POU6F2: variants seen among roughly 807,000 people sequenced by gnomAD.
The protein encoded by POU6F2 is POU class 6 homeobox 2.
In POU6F2, 31 loss-of-function variants were observed where a neutral mutation model predicts 71.3. The observed-to-expected ratio is 0.43, with a 90% CI of 0.33 to 0.59. The LOEUF is 0.59. Among genes scored for constraint, POU6F2 ranks in the 20% least tolerant of loss-of-function variants. The pLI, the probability that POU6F2 is intolerant of heterozygous loss-of-function variation, is 0.04. For missense variants in POU6F2, 783 were observed against 856.8 expected (o/e 0.91, Z 1.07); for synonymous variants, 347 against 355.7 (o/e 0.98, Z 0.27).
intron 4 of POU6F2, among the ~76,000 whole-genome samples, chr7:39,336,180 A>G (rs576233713): frequency 6.6e-6 from 1 of 152,358 alleles, no homozygotes; most frequent in East Asian, 1.9e-4. Flanking sequence ...TATTTTAACT[A>G]TTAACTAAAT....
At chr7:39,151,690 A>G (rs754492840) in intron 2 of POU6F2, among the ~76,000 whole-genome samples, 24 of 152,160 alleles carry the variant, frequency 1.6e-4, no homozygotes, top group Non-Finnish European at 2.4e-4. Flanking sequence ...TGGCTTCTGA[A>G]ATGATTAGAT....
chr7:39,340,033 C>T lies in POU6F2; in HGVS notation c.972+18C>T. 6.3e-7 allele frequency: 1 copy of T among 1,583,118 alleles called. No homozygotes were observed. Among genetic ancestry groups the T allele is most frequent in the South Asian group, 1.2e-5 (1 of 86,860 alleles). On this transcript the variant is annotated intron_variant, in intron 5 of 9. Transcript: ENST00000518318. ...CTCTACAGGTATGCTCCCCGTGCTT[C>T]CCGTCTGCCCCTAGGAGCACCAAGG...
At chr7:39,045,212 A>C (rs1037593775) in intron 1 of POU6F2, among the ~76,000 whole-genome samples, 1 of 151,950 alleles carries the variant, frequency 6.6e-6, no homozygotes, top group African/African-American at 2.4e-5. Context: ...CCGTACCTAT[A>C]GCTCGAACTG....
chr7:39,002,929 GT>G (rs1156844383), intron 1 of POU6F2, among the ~76,000 whole-genome samples: 30 of 152,286 alleles, frequency 2.0e-4, no homozygotes, highest in African/African-American at 7.2e-4. Flanking sequence ...TGAAAAGAGC[GT>G]TTTAAAATTT....
intron 5 of POU6F2, among the ~76,000 whole-genome samples, chr7:39,349,774 C>G (rs1196140457): frequency 1.3e-5 from 2 of 152,164 alleles, no homozygotes; most frequent in African/African-American, 2.4e-5. Context: ...TTTTCTTTCT[C>G]TTTTGTCTTC....
intron 4 of POU6F2, among the ~76,000 whole-genome samples, chr7:39,329,832 G>T (rs1583529120): frequency 6.6e-6 from 1 of 152,164 alleles, no homozygotes; most frequent in East Asian, 1.9e-4. Context: ...ATCTGAGAGA[G>T]TCCAATTTAG....
At chr7:39,298,658 T>C (rs1306492608) in intron 4 of POU6F2, among the ~76,000 whole-genome samples, 2 of 152,202 alleles carry the variant, frequency 1.3e-5, no homozygotes, top group Admixed American at 1.3e-4. Context: ...TTACTGGGTA[T>C]ATACCCAAAG....
chr7:39,115,970 A>G (rs978294358), intron 2 of POU6F2, among the ~76,000 whole-genome samples: 1 of 152,224 alleles, frequency 6.6e-6, no homozygotes, highest in East Asian at 1.9e-4. Flanking sequence ...GAGATTGTTC[A>G]GAGGTTAAGT....
At chr7:39,057,221 C>T (rs1049920943) in intron 1 of POU6F2, among the ~76,000 whole-genome samples, 1 of 152,044 alleles carries the variant, frequency 6.6e-6, no homozygotes, top group Non-Finnish European at 1.5e-5. Context: ...TCTCATTCTC[C>T]TTACTACTTT....
intron 4 of POU6F2, among the ~76,000 whole-genome samples, chr7:39,240,800 C>A (rs1243000844): frequency 2.0e-5 from 3 of 151,946 alleles, no homozygotes; most frequent in African/African-American, 7.3e-5. Context: ...ATGACTCTTG[C>A]GAGTAAAAGA....
chr7:39,048,810 C>A (rs1045192956), intron 1 of POU6F2, among the ~76,000 whole-genome samples: 1 of 151,866 alleles, frequency 6.6e-6, no homozygotes, highest in East Asian at 1.9e-4. Context: ...GTGTATGAGC[C>A]GTCCCTTTTT....
intron 2 of POU6F2, among the ~76,000 whole-genome samples, chr7:39,148,948 G>A (rs1486884313): frequency 6.6e-6 from 1 of 152,204 alleles, no homozygotes; most frequent in African/African-American, 2.4e-5. Flanking sequence ...AGTTTCCTGG[G>A]AAGGATGAGG....
chr7:39,199,541 G>A (rs1007304432), intron 2 of POU6F2, among the ~76,000 whole-genome samples: 5 of 152,086 alleles, frequency 3.3e-5, no homozygotes, highest in East Asian at 3.9e-4. Context: ...TGAGGAGTGC[G>A]GTGACAGTTA....
intron 4 of POU6F2, among the ~76,000 whole-genome samples, chr7:39,271,365 G>T (rs749003757): frequency 6.6e-6 from 1 of 152,098 alleles, no homozygotes; most frequent in African/African-American, 2.4e-5. Flanking sequence ...TATGATGTGG[G>T]TGCCTTACAG....
intron 5 of POU6F2, among the ~76,000 whole-genome samples, chr7:39,351,725 T>C (rs1786143227): frequency 6.6e-6 from 1 of 152,214 alleles, no homozygotes; most frequent in Non-Finnish European, 1.5e-5. Flanking sequence ...AGCGGGTTGC[T>C]CACCTTGAAT....
chr7:39,235,842 T>C (rs1374646960), intron 4 of POU6F2, among the ~76,000 whole-genome samples: 1 of 152,094 alleles, frequency 6.6e-6, no homozygotes, highest in Non-Finnish European at 1.5e-5. Flanking sequence ...TGCAAACACA[T>C]GTGGGGGAAA....
chr7:39,425,290 G>A (rs1185876953), intron 6 of POU6F2, among the ~76,000 whole-genome samples: 2 of 151,538 alleles, frequency 1.3e-5, no homozygotes, highest in East Asian at 3.9e-4. Flanking sequence ...AGCGTGTTTG[G>A]GAGTTTGGTA....
At chr7:39,373,890 C>G (rs1490264675) in intron 5 of POU6F2, among the ~76,000 whole-genome samples, 1 of 151,694 alleles carries the variant, frequency 6.6e-6, no homozygotes, top group Non-Finnish European at 1.5e-5. Context: ...AGTTTTTTTT[C>G]AAAGAAATAA....
chr7:39,406,745 G>A lies in POU6F2; in HGVS notation c.1113+5G>A. On this transcript the variant is annotated splice_donor_5th_base_variant and intron_variant, in intron 6 of 9. Transcript: ENST00000518318. ...GTTACTAATGCACAAGGACAGGTGA[G>A]TGGGAGATGGGAACAAGAGTGCATT... The A allele has an allele frequency of 1.2e-6, 2 of 1,613,184 alleles. No homozygotes were observed. The highest frequency in any genetic ancestry group is 1.7e-6 in the Non-Finnish European group (2 of 1,179,882).
Sources: allele counts gnomAD v4.1 joint callset (sites outside exome capture counted in the v4.1 genomes callset), GRCh38; gene constraint gnomAD v4.1.1; transcripts MANE v1.5; gene names NCBI Gene and HGNC (gene_info 2026-07-23, HGNC 2026-07-21).